The following PREX1 variants were observed in gnomAD, a reference collection of about 807,000 sequenced individuals.
The protein encoded by PREX1 is phosphatidylinositol 3,4,5-trisphosphate-dependent Rac exchanger 1 protein.
PREX1 carries 41 observed loss-of-function variants against 198.3 expected under a neutral mutation model. That is an observed-to-expected ratio of 0.21 (90% CI 0.16 to 0.27). The LOEUF is 0.27. Among genes scored for constraint, PREX1 ranks in the 10% least tolerant of loss-of-function variants. The pLI, the probability that PREX1 is intolerant of heterozygous loss-of-function variation, is 1.00. For missense variants in PREX1, 1,620 were observed against 2,200.7 expected (o/e 0.74, Z 5.28); for synonymous variants, 843 against 887.2 (o/e 0.95, Z 0.89).
intron 1 of PREX1, among the ~76,000 whole-genome samples, chr20:48,760,649 G>A (rs563650334): frequency 6.6e-6 from 1 of 152,254 alleles, no homozygotes; most frequent in South Asian, 2.1e-4. Context: ...GGAGAGGGAG[G>A]CTGGACTAGG....
chr20:48,659,825 C>T (rs2089576604), intron 16 of PREX1, 94 bp downstream of exon 16: 12 of 1,549,948 alleles, frequency 7.7e-6, no homozygotes, highest in Non-Finnish European at 9.7e-6. Context: ...CCAAGCTGAG[C>T]CCCCTTCCCT....
intron 1 of PREX1, among the ~76,000 whole-genome samples, chr20:48,779,316 C>T (rs1293830530): frequency 2.0e-5 from 3 of 152,284 alleles, no homozygotes; most frequent in East Asian, 1.9e-4. Context: ...TCTACTTAAA[C>T]GGCTTTTGAA....
intron 1 of PREX1, among the ~76,000 whole-genome samples, chr20:48,821,037 T>C (rs928423217): frequency 3.3e-5 from 5 of 151,930 alleles, no homozygotes; most frequent in African/African-American, 1.2e-4. Flanking sequence ...CTGTCTCTAC[T>C]AAAAAAATAC....
At chr20:48,811,769 C>T (rs757539402) in intron 1 of PREX1, among the ~76,000 whole-genome samples, 2 of 151,660 alleles carry the variant, frequency 1.3e-5, no homozygotes, top group Non-Finnish European at 2.9e-5. Context: ...GTCAAAGAAT[C>T]TGAAAGTGAA....
chr20:48,851,437 G>A, the PREX1 span, among the ~76,000 whole-genome samples: 1 of 152,134 alleles, frequency 6.6e-6, no homozygotes, highest in South Asian at 2.1e-4. Flanking sequence ...AACCCAGGAG[G>A]TGGAGGTTGC....
chr20:48,716,041 T>G (rs927970635), intron 5 of PREX1, among the ~76,000 whole-genome samples: 1 of 152,160 alleles, frequency 6.6e-6, no homozygotes, highest in African/African-American at 2.4e-5. Flanking sequence ...AATCAGACTC[T>G]TAGAACACAA....
In PREX1 at chr20:48,666,210, TC is replaced by T. The variant is rs2122964811; in HGVS notation, c.1738+72del. 1 of 1,450,936 alleles carries T rather than the reference TC, an allele frequency of 6.9e-7. No individual in the cohort carries two copies. The highest frequency in any genetic ancestry group is 2.5e-5 in the East Asian group (1 of 40,206). 89.9% of individuals were successfully genotyped at this position (1,450,936 alleles called of 1,614,324 possible). ...AGAGCCACAGACCTGGCTTCAGTCC[TC>T]CCATACTCCCCCAAACCATCAGCTC... On this transcript the variant is annotated intron_variant, in intron 15 of 39. Coordinates refer to ENST00000371941, the MANE Select transcript of PREX1 (RefSeq NM_020820.4). The surrounding 1 kb of genome is among the most constrained non-coding windows in gnomAD (Gnocchi z 4.3).
chr20:48,786,380 A>T (rs183659035), intron 1 of PREX1, among the ~76,000 whole-genome samples: 1 of 152,268 alleles, frequency 6.6e-6, no homozygotes, highest in Non-Finnish European at 1.5e-5. Flanking sequence ...CATGACCAAC[A>T]AGGAGACTCA....
chr20:48,887,837 TTCC>T, the PREX1 span, among the ~76,000 whole-genome samples: 2 of 149,086 alleles, frequency 1.3e-5, no homozygotes, highest in Non-Finnish European at 3.0e-5. Flanking sequence ...GTAGTTCCAG[TTCC>T]TGGGGAGGCT....
rs984669384 is a variant in PREX1, at chr20:48,726,283, G to A, written c.621+7C>T. 6.2e-6 allele frequency: 10 copies of A among 1,609,314 alleles called. No homozygotes were observed. Among genetic ancestry groups the A allele is most frequent in the Middle Eastern group, 1.6e-4 (1 of 6,074 alleles). On this transcript the variant is annotated splice_region_variant and intron_variant, in intron 5 of 39. Transcript: ENST00000371941. ...TTTCTGTCACTTCAAATACGGGAAA[G>A]TCTCACCTTAAGGAGGAGCGGGTAC... is the stretch of plus-strand genomic sequence containing the variant.
At chr20:48,764,278 C>T (rs1037528063) in intron 1 of PREX1, among the ~76,000 whole-genome samples, 1 of 152,214 alleles carries the variant, frequency 6.6e-6, no homozygotes, top group Non-Finnish European at 1.5e-5. Context: ...CATCAGAGGA[C>T]TCTCAGAGAG....
chr20:48,711,672 T>C (rs933429330), intron 5 of PREX1, among the ~76,000 whole-genome samples: 22 of 152,204 alleles, frequency 1.4e-4, no homozygotes, highest in African/African-American at 4.3e-4. Context: ...CAATGACAGA[T>C]TGTATGGACC....
chr20:48,647,519 CAAAAAAAAAA>C (rs765244255), intron 25 of PREX1, among the ~76,000 whole-genome samples: 5 of 49,630 alleles, frequency 1.0e-4, no homozygotes, highest in African/African-American at 2.5e-4. Context: ...GACAACATCT[CAAAAAAAAAA>C]AAAAAAAAAA....
chr20:48,822,586 A>T (rs888871852), intron 1 of PREX1, among the ~76,000 whole-genome samples: 17 of 152,238 alleles, frequency 1.1e-4, no homozygotes, highest in Admixed American at 6.5e-5. Context: ...TCTAATAACC[A>T]TGTTGAAAAT....
In PREX1 at chr20:48,625,932, G is replaced by A; in HGVS notation, c.4938-5C>T. Reference sequence around the variant, plus strand: ...GGCTGGCAGAGGCGGTAGAGGCTGGGGATGGAGGCAAAGAGAATGAGGAGA... The same window carrying A: ...GGCTGGCAGAGGCGGTAGAGGCTGGAGATGGAGGCAAAGAGAATGAGGAGA... On this transcript the variant is annotated splice_polypyrimidine_tract_variant and splice_region_variant and intron_variant, in intron 39 of 39. Transcript: ENST00000371941. The A allele has an allele frequency of 6.4e-7, 1 of 1,552,144 alleles. No individual in the cohort carries two copies. The highest frequency in any genetic ancestry group is 2.5e-5 in the East Asian group (1 of 40,452).
chr20:48,826,603 C>T (rs1278284327), intron 1 of PREX1, among the ~76,000 whole-genome samples: 2 of 152,220 alleles, frequency 1.3e-5, no homozygotes, highest in Non-Finnish European at 2.9e-5. Flanking sequence ...CGCCTGTAAT[C>T]CCTGCACTTT....
chr20:48,782,316 C>T (rs1448448325), intron 1 of PREX1, among the ~76,000 whole-genome samples: 1 of 152,132 alleles, frequency 6.6e-6, no homozygotes, highest in Non-Finnish European at 1.5e-5. Context: ...ATAAGTCTTA[C>T]AAGATCTGAT....
rs1226732555 is a variant in PREX1, at chr20:48,625,354, G to A, written c.*531C>T. 6.6e-6 allele frequency: 1 copy of A among 152,522 alleles called. No individual in the cohort carries two copies. The highest frequency in any genetic ancestry group is 1.5e-5 in the Non-Finnish European group (1 of 68,132). The allele number at this position is 152,522 out of a possible 1,614,324, so 9.4% of individuals were successfully genotyped here. A position where few individuals can be genotyped will look rare whatever the true frequency, so the allele number is the denominator to read the frequency against. ...GGGATCCTCTGGTAACAGGCGTGAT[G>A]GAGGCCCCGTCTCTCCTTTCCCGAC... On this transcript the variant is annotated 3_prime_UTR_variant, in exon 40 of 40. Coordinates refer to ENST00000371941, the MANE Select transcript of PREX1 (RefSeq NM_020820.4).
intron 1 of PREX1, among the ~76,000 whole-genome samples, chr20:48,795,621 G>A (rs1368861624): frequency 6.6e-6 from 1 of 151,998 alleles, no homozygotes; most frequent in Admixed American, 6.6e-5. Context: ...GAAAAAGGCA[G>A]GAACCACCAA....
Sources: gnomAD v4.1 joint callset for allele counts (sites outside exome capture counted in the v4.1 genomes callset) on GRCh38, gnomAD v4.1.1 for gene constraint, Gnocchi (gnomAD v3.1) non-coding constraint, MANE v1.5 for transcripts, NCBI Gene and HGNC (gene_info 2026-07-23, HGNC 2026-07-21) for gene names.